NFIA: variants seen among roughly 807,000 people sequenced by gnomAD.
The protein encoded by NFIA is nuclear factor 1 A-type.
In NFIA, 8 loss-of-function variants were observed where a neutral mutation model predicts 62.8. That is an observed-to-expected ratio of 0.13 (90% CI 0.07 to 0.23). The LOEUF is 0.23. Ranked by LOEUF, NFIA falls within the 10% of genes least tolerant of loss-of-function variation. The pLI is 1.00. For synonymous variants in NFIA, 235 were observed against 238.1 expected, an observed-to-expected ratio of 0.99 and a Z score of 0.12; for missense variants, 410 against 642.1, an observed-to-expected ratio of 0.64 and a Z score of 3.91.
intron 10 of NFIA, among the ~76,000 whole-genome samples, chr1:61,433,510 G>A (rs904272752): frequency 6.6e-6 from 1 of 151,206 alleles, no homozygotes; most frequent in Non-Finnish European, 1.5e-5. Context: ...CTGTAAAATA[G>A]TGAAAATAGT....
At chr1:61,142,447 A>G (rs1478791691) in intron 2 of NFIA, among the ~76,000 whole-genome samples, 2 of 152,200 alleles carry the variant, frequency 1.3e-5, no homozygotes, top group Non-Finnish European at 2.9e-5. Context: ...CAAGAAGCAT[A>G]TTTCAGGATA....
chr1:61,350,127 A>G lies in NFIA; in HGVS notation c.701-2323A>G, dbSNP rs41350144. Reference sequence around the variant, plus strand: ...ATGCAAATTTGATGATAGCATTCCCATACTTTGCTGGTCCTTCTTTGACTA... The same window carrying G: ...ATGCAAATTTGATGATAGCATTCCCGTACTTTGCTGGTCCTTCTTTGACTA... On this transcript the variant is annotated intron_variant, in intron 4 of 10. Coordinates refer to ENST00000403491, the MANE Select transcript of NFIA (RefSeq NM_001134673.4). Among the ~76,000 whole-genome samples, 6 of 151,974 alleles carry G rather than the reference A, an allele frequency of 3.9e-5. No individual in the cohort carries two copies. In the East Asian group the frequency reaches 1.2e-3, roughly 29 times the overall value.
intron 3 of NFIA, among the ~76,000 whole-genome samples, chr1:61,288,114 T>G (rs533521528): frequency 7.2e-5 from 11 of 152,314 alleles, no homozygotes; most frequent in Admixed American, 5.9e-4. Flanking sequence ...AGTGAGTGTA[T>G]AAGTTTAATT....
chr1:61,152,255 C>T (rs1175414501), intron 2 of NFIA, among the ~76,000 whole-genome samples: 2 of 152,166 alleles, frequency 1.3e-5, no homozygotes, highest in African/African-American at 4.8e-5. Flanking sequence ...GAATGCTGCA[C>T]TGCGCCAGAC....
At chr1:61,221,796 A>G (rs957971716) in intron 2 of NFIA, among the ~76,000 whole-genome samples, 8 of 152,122 alleles carry the variant, frequency 5.3e-5, no homozygotes, top group Admixed American at 1.3e-4. Context: ...GTTAAAAAGC[A>G]CTGTAAGATG....
intron 2 of NFIA, among the ~76,000 whole-genome samples, chr1:61,272,511 TTA>T (rs1475653615): frequency 6.6e-6 from 1 of 152,176 alleles, no homozygotes; most frequent in Non-Finnish European, 1.5e-5. Flanking sequence ...ATTTTAAAAA[TTA>T]TGTTACTCAT....
chr1:61,098,869 C>T (rs953608505), intron 2 of NFIA, among the ~76,000 whole-genome samples: 1 of 152,044 alleles, frequency 6.6e-6, no homozygotes, highest in Non-Finnish European at 1.5e-5. Flanking sequence ...CAAAAAAGTG[C>T]CATCTCATTG....
chr1:61,080,555 T>C (rs913797698), upstream of NFIA, among the ~76,000 whole-genome samples: 11 of 152,204 alleles, frequency 7.2e-5, no homozygotes, highest in Non-Finnish European at 1.5e-4. Context: ...ATTGAAGTTA[T>C]AGATCCCAGC....
intron 2 of NFIA, among the ~76,000 whole-genome samples, chr1:61,242,749 G>T (rs1655418539): frequency 6.6e-6 from 1 of 152,048 alleles, no homozygotes; most frequent in Non-Finnish European, 1.5e-5. Context: ...ATAGTTTTTA[G>T]GTGATAAAAC....
At chr1:61,234,174 C>A (rs1299423994) in intron 2 of NFIA, among the ~76,000 whole-genome samples, 1 of 151,952 alleles carries the variant, frequency 6.6e-6, no homozygotes, top group East Asian at 1.9e-4. Context: ...TTGCGACCAG[C>A]CTGACCCACA....
At chr1:61,190,960 A>G (rs892672695) in intron 2 of NFIA, among the ~76,000 whole-genome samples, 2 of 151,782 alleles carry the variant, frequency 1.3e-5, no homozygotes, top group Non-Finnish European at 2.9e-5. Context: ...TTGTGCCAAA[A>G]TTTTTCCAAG....
chr1:61,346,451 T>C (rs1465007893), intron 4 of NFIA, among the ~76,000 whole-genome samples: 2 of 152,236 alleles, frequency 1.3e-5, no homozygotes, highest in Admixed American at 1.3e-4. Context: ...AATGCCATTA[T>C]TAGTTAAAAA....
At chr1:61,361,211 T>C (rs1431452142) in intron 6 of NFIA, among the ~76,000 whole-genome samples, 1 of 152,188 alleles carries the variant, frequency 6.6e-6, no homozygotes, top group Admixed American at 6.5e-5. Context: ...TTTCTCCGAA[T>C]TCGTGTTCAC....
intron 2 of NFIA, among the ~76,000 whole-genome samples, chr1:61,205,691 G>T (rs2100596230): frequency 6.6e-6 from 1 of 152,238 alleles, no homozygotes; most frequent in East Asian, 1.9e-4. Flanking sequence ...AAAGTTGTGA[G>T]ACTGGGCAGA....
At chr1:61,266,669 G>A (rs778797227) in intron 2 of NFIA, among the ~76,000 whole-genome samples, 3 of 152,106 alleles carry the variant, frequency 2.0e-5, no homozygotes, top group African/African-American at 4.8e-5. Context: ...CAAAGTGCTG[G>A]GATTACAGGC....
intron 2 of NFIA, among the ~76,000 whole-genome samples, chr1:61,199,763 G>A (rs556956124): frequency 4.0e-5 from 6 of 151,832 alleles, no homozygotes; most frequent in Admixed American, 1.3e-4. Context: ...GGGAGGCCGA[G>A]GTAGGTGGGT....
chr1:61,106,619 C>A (rs1289298898), intron 2 of NFIA, among the ~76,000 whole-genome samples: 1 of 151,644 alleles, frequency 6.6e-6, no homozygotes, highest in Non-Finnish European at 1.5e-5. Flanking sequence ...TGTAGAATAT[C>A]GTGGAAAATT....
intron 3 of NFIA, among the ~76,000 whole-genome samples, chr1:61,310,950 G>T (rs1660077352): frequency 6.6e-6 from 1 of 152,142 alleles, no homozygotes; most frequent in African/African-American, 2.4e-5. Flanking sequence ...CTCCTGATGG[G>T]CAGGTCCCAG....
intron 6 of NFIA, among the ~76,000 whole-genome samples, chr1:61,380,212 A>G (rs1264790612): frequency 2.0e-5 from 3 of 152,198 alleles, no homozygotes; most frequent in Non-Finnish European, 4.4e-5. Context: ...GAAACAAAAC[A>G]TTATGCTAGA....
Sources: gnomAD v4.1 joint callset for allele counts (sites outside exome capture counted in the v4.1 genomes callset) on GRCh38, gnomAD v4.1.1 for gene constraint, MANE v1.5 for transcripts, NCBI Gene and HGNC (gene_info 2026-07-23, HGNC 2026-07-21) for gene names.